Variants in FOXP2 observed in about 807,000 individuals in gnomAD.
FOXP2 encodes forkhead box P2.
A neutral mutation model predicts 115.8 loss-of-function variants in FOXP2; 12 were observed. The ratio of observed to expected loss-of-function variants is 0.10; its 90% CI spans 0.07 to 0.17. The LOEUF (loss-of-function observed/expected upper bound fraction) is 0.17, where lower values mean the gene tolerates loss of function less well. Ranked by LOEUF, FOXP2 falls within the 10% of genes least tolerant of loss-of-function variation. The pLI, the probability that FOXP2 is intolerant of heterozygous loss-of-function variation, is 1.00. For missense variants in FOXP2, 629 were observed against 843.5 expected, an observed-to-expected ratio of 0.75 and a Z score of 3.15; for synonymous variants, 328 against 297.7, an observed-to-expected ratio of 1.10 and a Z score of -1.05.
intron 2 of FOXP2, among the ~76,000 whole-genome samples, chr7:114,459,638 C>T (rs756004127): frequency 6.6e-6 from 1 of 152,120 alleles, no homozygotes; most frequent in African/African-American, 2.4e-5. Flanking sequence ...TTTGTTGAGA[C>T]GGAGTCTCAC....
At chr7:114,099,725 T>C (rs1250904109) in intron 1 of FOXP2, among the ~76,000 whole-genome samples, 3 of 152,198 alleles carry the variant, frequency 2.0e-5, no homozygotes, top group African/African-American at 4.8e-5. Flanking sequence ...AATCCAAGGA[T>C]GCTCAAGTCT....
intron 2 of FOXP2, among the ~76,000 whole-genome samples, chr7:114,512,502 T>C (rs1257775292): frequency 1.3e-5 from 2 of 152,154 alleles, no homozygotes; most frequent in African/African-American, 4.8e-5. Context: ...AGTGGCTCCA[T>C]GTAACAGTTC....
At chr7:114,602,405 TG>T (rs1390547989) in intron 3 of FOXP2, among the ~76,000 whole-genome samples, 1 of 152,054 alleles carries the variant, frequency 6.6e-6, no homozygotes, top group African/African-American at 2.4e-5. Context: ...AGCTTATAAA[TG>T]GGTTATATTT....
chr7:114,492,111 G>T (rs1797087788), intron 2 of FOXP2, among the ~76,000 whole-genome samples: 1 of 152,140 alleles, frequency 6.6e-6, no homozygotes, highest in Non-Finnish European at 1.5e-5. Flanking sequence ...TCTATTCAGA[G>T]ATTCAACTTC....
chr7:114,230,126 G>A (rs1025444912), intron 1 of FOXP2, among the ~76,000 whole-genome samples: 2 of 151,734 alleles, frequency 1.3e-5, no homozygotes, highest in Admixed American at 6.6e-5. Context: ...GGATGACCTA[G>A]AAGAAATAAA....
chr7:114,432,486 G>A lies in FOXP2; in HGVS notation c.168+5807G>A, dbSNP rs1794154338. Among the ~76,000 whole-genome samples, 2 of 151,942 alleles carry A rather than the reference G, an allele frequency of 1.3e-5. 1 individual carries two copies. Among genetic ancestry groups the A allele is most frequent in the South Asian group, 4.1e-4 (2 of 4,824 alleles). ...ACAAACTAAGGTTTTGCAGCTGACT[G>A]TATAGGTAAAGTACTGTTAAGGGTT... is the stretch of plus-strand genomic sequence containing the variant. On this transcript the variant is annotated intron_variant, in intron 2 of 16. Coordinates refer to ENST00000350908, the MANE Select transcript of FOXP2 (RefSeq NM_014491.4).
At chr7:114,432,633 A>G (rs1794165210) in intron 2 of FOXP2, among the ~76,000 whole-genome samples, 1 of 151,904 alleles carries the variant, frequency 6.6e-6, no homozygotes, top group Non-Finnish European at 1.5e-5. Flanking sequence ...AAATGGGAAA[A>G]TGTGGCATCT....
chr7:114,536,429 T>C (rs1799402208), intron 3 of FOXP2, among the ~76,000 whole-genome samples: 1 of 146,402 alleles, frequency 6.8e-6, no homozygotes, highest in Non-Finnish European at 1.5e-5. Flanking sequence ...GTTGTTGTTG[T>C]TGCATTGAAA....
chr7:114,212,150 C>G (rs539861718), intron 1 of FOXP2, among the ~76,000 whole-genome samples: 1 of 149,256 alleles, frequency 6.7e-6, no homozygotes, highest in South Asian at 2.1e-4. Flanking sequence ...TTGTTTCCTT[C>G]TGCAAAGTAT....
At chr7:114,439,809 A>G (rs139530553) in intron 2 of FOXP2, among the ~76,000 whole-genome samples, 1,794 of 152,216 alleles carry the variant, frequency 0.012, 8 homozygotes, top group Middle Eastern at 0.02. Flanking sequence ...CCTGAGCTCA[A>G]GAGATCTGCC....
chr7:114,472,700 A>T (rs568075061), intron 2 of FOXP2, among the ~76,000 whole-genome samples: 1 of 152,256 alleles, frequency 6.6e-6, no homozygotes, highest in African/African-American at 2.4e-5. Context: ...CCATTCATAG[A>T]TTTGTACTTG....
intron 1 of FOXP2, among the ~76,000 whole-genome samples, chr7:114,128,650 T>A (rs1429603966): frequency 6.6e-6 from 1 of 152,162 alleles, no homozygotes; most frequent in Non-Finnish European, 1.5e-5. Flanking sequence ...ATTAAATATA[T>A]TTAGTCTCTT....
intron 1 of FOXP2, among the ~76,000 whole-genome samples, chr7:114,208,447 G>T (rs980683468): frequency 1.3e-5 from 2 of 152,114 alleles, no homozygotes; most frequent in African/African-American, 4.8e-5. Flanking sequence ...GACTTGCCTT[G>T]TCTCACATGA....
intron 1 of FOXP2, among the ~76,000 whole-genome samples, chr7:114,182,448 A>T (rs1426979168): frequency 3.3e-5 from 5 of 152,100 alleles, no homozygotes; most frequent in African/African-American, 1.2e-4. Flanking sequence ...TTTAACTAGT[A>T]GGTGAGTTTA....
intron 3 of FOXP2, among the ~76,000 whole-genome samples, chr7:114,622,836 A>C (rs1804327860): frequency 6.6e-6 from 1 of 151,978 alleles, no homozygotes; most frequent in Non-Finnish European, 1.5e-5. Context: ...AATGTAGACA[A>C]ATAAAAGATT....
At position 114,288,061 on chromosome 7, in the gene FOXP2, C is replaced by A. The variant is rs114941852; in HGVS notation, c.-59C>A. ...GCTGGGATTGAATTTTCCTAGGACTCCGTTTCAAGGTTAATTCGAAAGTCT... is the reference window on the plus strand; with the variant it reads ...GCTGGGATTGAATTTTCCTAGGACTACGTTTCAAGGTTAATTCGAAAGTCT... On this transcript the variant is annotated 5_prime_UTR_variant, in exon 2 of 18. Coordinates refer to the FOXP2 transcript ENST00000634411. 240 of 453,296 alleles carry A rather than the reference C, an allele frequency of 5.3e-4. 1 individual carries two copies. Among genetic ancestry groups the A allele is most frequent in the African/African-American group, 4.6e-3 (229 of 50,052 alleles). The allele number at this position is 453,296 out of a possible 1,614,324, so 28.1% of individuals were successfully genotyped here.
intron 2 of FOXP2, among the ~76,000 whole-genome samples, chr7:114,483,739 G>C (rs1796653482): frequency 6.6e-6 from 1 of 151,536 alleles, no homozygotes; most frequent in Non-Finnish European, 1.5e-5. Flanking sequence ...GTGTCCAAAG[G>C]GTGCTTAACA....
At chr7:114,640,582 G>A (rs1037385071) in intron 6 of FOXP2, among the ~76,000 whole-genome samples, 2 of 152,162 alleles carry the variant, frequency 1.3e-5, no homozygotes, top group Non-Finnish European at 2.9e-5. Flanking sequence ...ATCTAGATCA[G>A]GGATTTTTCC....
At chr7:114,339,448 G>A (rs1001314729) in intron 2 of FOXP2, among the ~76,000 whole-genome samples, 4 of 151,112 alleles carry the variant, frequency 2.6e-5, no homozygotes, top group African/African-American at 9.7e-5. Flanking sequence ...TTCGACAGAT[G>A]ATAACATAAG....
Sources: gnomAD v4.1 joint callset for allele counts (sites outside exome capture counted in the v4.1 genomes callset) on GRCh38, gnomAD v4.1.1 for gene constraint, MANE v1.5 for transcripts, NCBI Gene and HGNC (gene_info 2026-07-23, HGNC 2026-07-21) for gene names.